TLE4: variants seen among roughly 807,000 people sequenced by gnomAD.
The protein encoded by TLE4 is TLE family member 4, transcriptional corepressor, also known as transducin-like enhancer protein 4.
A neutral mutation model predicts 92.8 loss-of-function variants in TLE4; 8 were observed. The observed-to-expected ratio is 0.09, with a 90% CI of 0.05 to 0.16. TLE4 has a LOEUF of 0.16. Ranked by LOEUF, TLE4 falls within the 10% of genes least tolerant of loss-of-function variation. The pLI is 1.00. For missense variants in TLE4, 675 were observed against 997.6 expected (o/e 0.68, Z 4.36); for synonymous variants, 371 against 374.1 (o/e 0.99, Z 0.10).
chr9:79,723,584 C>T lies in TLE4; in HGVS notation c.2214+549C>T, dbSNP rs532962814. ...ACATATATGCACGCGTGCACACACACGCTCTCCTCCTCTCTCCTACTGGTA... is the reference window on the plus strand; with the variant it reads ...ACATATATGCACGCGTGCACACACATGCTCTCCTCCTCTCTCCTACTGGTA... On this transcript the variant is annotated intron_variant, in intron 19 of 19. Coordinates refer to ENST00000376552, the MANE Select transcript of TLE4 (RefSeq NM_007005.6). 3.9e-5 allele frequency among the ~76,000 whole-genome samples: 6 copies of T among 152,286 alleles called. No homozygotes were observed. The South Asian group carries it at 6.2e-4, about 16-fold the overall frequency.
At chr9:79,666,241 A>G in intron 8 of TLE4, among the ~76,000 whole-genome samples, 1 of 67,518 alleles carries the variant, frequency 1.5e-5, no homozygotes, top group South Asian at 5.1e-4. Context: ...TTTTTTTTTG[A>G]GAAGGAGTCT....
chr9:79,588,202 C>T (rs1034958078), intron 4 of TLE4, among the ~76,000 whole-genome samples: 5 of 150,504 alleles, frequency 3.3e-5, no homozygotes, highest in South Asian at 2.1e-4. Flanking sequence ...GGCTGGAGTG[C>T]GGTGGCGTGA....
chr9:79,601,221 A>T (rs548401418), intron 4 of TLE4, among the ~76,000 whole-genome samples: 1 of 152,216 alleles, frequency 6.6e-6, no homozygotes. Flanking sequence ...GTTGCACACT[A>T]TGATAATTTA....
chr9:79,612,122 C>T (rs755977258), intron 4 of TLE4, among the ~76,000 whole-genome samples: 9 of 151,886 alleles, frequency 5.9e-5, no homozygotes, highest in East Asian at 1.9e-4. Context: ...TGTAAGAATC[C>T]GAATTAGCCA....
intron 4 of TLE4, among the ~76,000 whole-genome samples, chr9:79,598,635 T>G (rs1186769403): frequency 6.6e-6 from 1 of 152,204 alleles, no homozygotes; most frequent in Admixed American, 6.5e-5. Flanking sequence ...CCTGTACTGT[T>G]TTTTTCAGAC....
intron 8 of TLE4, among the ~76,000 whole-genome samples, chr9:79,654,489 T>G (rs2059485922): frequency 6.7e-6 from 1 of 149,646 alleles, no homozygotes. Context: ...TTTAAGTGAA[T>G]GGTGCATTTT....
At chr9:79,576,199 A>G (rs960792472) in intron 4 of TLE4, 22 bp downstream of exon 4, 2 of 1,507,002 alleles carry the variant, frequency 1.3e-6, no homozygotes, top group Non-Finnish European at 1.8e-6. Context: ...CTTTATAACC[A>G]TTTTAAATGA....
chr9:79,614,802 AT>A (rs909520318), intron 5 of TLE4, among the ~76,000 whole-genome samples: 152 of 151,952 alleles, frequency 1.0e-3, no homozygotes, highest in African/African-American at 3.4e-3. Flanking sequence ...TTTCTTTGCA[AT>A]TTTTTTTAAG....
intron 6 of TLE4, among the ~76,000 whole-genome samples, chr9:79,640,231 A>G (rs1038367197): frequency 6.6e-6 from 1 of 152,126 alleles, no homozygotes; most frequent in African/African-American, 2.4e-5. Flanking sequence ...GAAATGATGT[A>G]GTCAAGGTGT....
At chr9:79,707,340 C>A (rs2071918845) in intron 11 of TLE4, 6 of 794,456 alleles carry the variant, frequency 7.6e-6, no homozygotes, top group Non-Finnish European at 1.2e-5. Context: ...TTACAAAAGT[C>A]TATCTTGACT....
intron 8 of TLE4, among the ~76,000 whole-genome samples, chr9:79,659,524 A>G (rs1372935965): frequency 6.6e-6 from 1 of 152,114 alleles, no homozygotes; most frequent in African/African-American, 2.4e-5. Context: ...TTTACTTGAA[A>G]TGAGATTCGA....
In TLE4 at chr9:79,709,716, C is replaced by T. The variant is rs1196246189; in HGVS notation, c.1340+17C>T. On this transcript the variant is annotated intron_variant, in intron 14 of 19. Transcript: ENST00000376552. ...AGGAAAACCGTGAGTACCTTTTTGC[C>T]TCTGTGCTCATTGTGTGTCAAACTC... is the stretch of plus-strand genomic sequence containing the variant. The T allele has an allele frequency of 1.2e-6, 2 of 1,613,076 alleles. No homozygotes were observed. Among genetic ancestry groups the T allele is most frequent in the Admixed American group, 1.7e-5 (1 of 59,994 alleles).
intron 8 of TLE4, among the ~76,000 whole-genome samples, chr9:79,666,186 TGTGTGTGTGTGG>T (rs2061361051): frequency 1.4e-5 from 2 of 148,114 alleles, no homozygotes; most frequent in African/African-American, 5.0e-5. Context: ...TGTGTGTGTG[TGTGTGTGTGTGG>T]GTGGGGTTTT....
chr9:79,573,617 T>G lies in TLE4; in HGVS notation c.46-72T>G, dbSNP rs114410105. ...ACCCTCACCCCCCGCTAACGCCGCA[T>G]AGTAGGTTTTCTCCGTCTCCCTGCT... On this transcript the variant is annotated intron_variant, in intron 1 of 19. Transcript: ENST00000376552. The G allele has an allele frequency of 3.0e-4, 388 of 1,277,300 alleles. 1 individual carries two copies. The African/African-American group carries it at 5.4e-3, about 18-fold the overall frequency. The allele number at this position is 1,277,300 out of a possible 1,614,324, so 79.1% of individuals were successfully genotyped here.
chr9:79,628,555 G>A (rs1191118644), intron 6 of TLE4, among the ~76,000 whole-genome samples: 1 of 150,778 alleles, frequency 6.6e-6, no homozygotes, highest in African/African-American at 2.4e-5. Context: ...GGGGTATTTG[G>A]AGCTCTATTT....
chr9:79,669,648 A>G (rs1243996063), intron 8 of TLE4, among the ~76,000 whole-genome samples: 1 of 152,146 alleles, frequency 6.6e-6, no homozygotes, highest in Non-Finnish European at 1.5e-5. Context: ...TCTGTTCTCC[A>G]ACCTCATTTA....
chr9:79,689,252 A>G (rs2066529954), intron 8 of TLE4, among the ~76,000 whole-genome samples: 1 of 151,952 alleles, frequency 6.6e-6, no homozygotes, highest in African/African-American at 2.4e-5. Context: ...GAATTCTTAA[A>G]TGACCAGTAG....
In TLE4 at chr9:79,708,156, C is replaced by T; in HGVS notation, c.975C>T (p.Thr325=). 1 of 1,614,030 alleles carries T rather than the reference C, an allele frequency of 6.2e-7. No homozygotes were observed. Among genetic ancestry groups the T allele is most frequent in the Non-Finnish European group, 8.5e-7 (1 of 1,179,962 alleles). Residue 325 remains threonine, a synonymous_variant, in exon 12 of 20, where the codon ACC becomes ACT. Coordinates refer to ENST00000376552, the MANE Select transcript of TLE4 (RefSeq NM_007005.6). The part of the protein sequence containing the change: ...KSTTPVSKSN[T]PTPRTDAPTP... ...CTACTCCCGTCTCAAAGTCCAATACCCCTACTCCACGAACTGATGCGCCCA... is the reference window on the plus strand; with the variant it reads ...CTACTCCCGTCTCAAAGTCCAATACTCCTACTCCACGAACTGATGCGCCCA...
intron 6 of TLE4, among the ~76,000 whole-genome samples, chr9:79,629,971 G>T (rs895708580): frequency 5.9e-5 from 9 of 152,112 alleles, no homozygotes; most frequent in Non-Finnish European, 2.9e-5. Flanking sequence ...ACAACTAGGG[G>T]TCAGTTTTTA....
Sources: allele counts gnomAD v4.1 joint callset (sites outside exome capture counted in the v4.1 genomes callset), GRCh38; gene constraint gnomAD v4.1.1; transcripts MANE v1.5; gene names NCBI Gene and HGNC (gene_info 2026-07-23, HGNC 2026-07-21).